Variants in MARCHF1 observed in about 807,000 individuals in gnomAD.
MARCHF1 encodes the protein E3 ubiquitin-protein ligase MARCHF1.
Under a neutral mutation model 54.2 loss-of-function variants are expected in MARCHF1, and 40 were observed. The observed-to-expected ratio is 0.74, with a 90% CI of 0.57 to 0.96. The LOEUF (loss-of-function observed/expected upper bound fraction) is 0.96, where lower values mean the gene tolerates loss of function less well. Among genes scored for constraint, MARCHF1 ranks in the 40% least tolerant of loss-of-function variants. The pLI is 0.00. For synonymous variants in MARCHF1, 236 were observed against 236.3 expected (o/e 1.00, Z 0.01); for missense variants, 586 against 656.5 (o/e 0.89, Z 1.17).
chr4:163,727,189 T>C (rs1160770285), intron 4 of MARCHF1, among the ~76,000 whole-genome samples: 2 of 152,232 alleles, frequency 1.3e-5, no homozygotes, highest in Non-Finnish European at 2.9e-5. Context: ...GTAAAAATAG[T>C]GGCTGTAATT....
intron 1 of MARCHF1, among the ~76,000 whole-genome samples, chr4:164,252,848 T>C (rs1304226314): frequency 6.6e-6 from 1 of 152,142 alleles, no homozygotes; most frequent in African/African-American, 2.4e-5. Context: ...TGATGAGGAA[T>C]ATAGATTCGG....
At chr4:164,307,070 T>C (rs553099785) in intron 1 of MARCHF1, among the ~76,000 whole-genome samples, 166 of 152,280 alleles carry the variant, frequency 1.1e-3, no homozygotes, top group Non-Finnish European at 2.0e-3. Flanking sequence ...AATATAACTC[T>C]TGCTTGAACA....
chr4:164,338,532 C>T (rs1267065222), intron 1 of MARCHF1, among the ~76,000 whole-genome samples: 1 of 152,086 alleles, frequency 6.6e-6, no homozygotes. Flanking sequence ...CAAGATACTA[C>T]TTCAGCTTTA....
At position 164,007,469 on chromosome 4, in the gene MARCHF1, T is replaced by G. The variant is rs1753319565; in HGVS notation, c.-247-18760A>C. On this transcript the variant is annotated intron_variant, in intron 2 of 9. Coordinates refer to ENST00000514618, the MANE Select transcript of MARCHF1 (RefSeq NM_001394959.1). ...ATATCCTACTACTGTAATTGTGGTGTGCAATCCACTCATAATTCTAGGATG... is the reference window on the plus strand; with the variant it reads ...ATATCCTACTACTGTAATTGTGGTGGGCAATCCACTCATAATTCTAGGATG... Among the ~76,000 whole-genome samples the G allele has an allele frequency of 2.6e-5, 4 of 151,784 alleles. No individual in the cohort carries two copies. In the South Asian group the frequency reaches 8.3e-4, roughly 31 times the overall value.
chr4:164,139,561 G>A (rs1036342967), intron 1 of MARCHF1, among the ~76,000 whole-genome samples: 1 of 152,032 alleles, frequency 6.6e-6, no homozygotes, highest in Non-Finnish European at 1.5e-5. Flanking sequence ...TCACAAAGGG[G>A]CTGGGAAAGT....
chr4:163,989,664 C>G (rs975843519), intron 2 of MARCHF1, among the ~76,000 whole-genome samples: 4 of 152,172 alleles, frequency 2.6e-5, no homozygotes. Flanking sequence ...ATCCTACTCT[C>G]TCAGTGAAGT....
At chr4:164,348,559 T>C (rs1205279953) in intron 1 of MARCHF1, among the ~76,000 whole-genome samples, 1 of 152,174 alleles carries the variant, frequency 6.6e-6, no homozygotes, top group Non-Finnish European at 1.5e-5. Context: ...AACATACTGA[T>C]ATTCTTTCTA....
intron 3 of MARCHF1, among the ~76,000 whole-genome samples, chr4:163,964,769 A>G (rs750145006): frequency 2.0e-5 from 3 of 151,836 alleles, no homozygotes; most frequent in Non-Finnish European, 4.4e-5. Context: ...ATCTACTAGG[A>G]TGTCCTCCAA....
At chr4:163,564,418 G>A (rs1467253702) in intron 8 of MARCHF1, among the ~76,000 whole-genome samples, 2 of 152,162 alleles carry the variant, frequency 1.3e-5, no homozygotes, top group Non-Finnish European at 2.9e-5. Flanking sequence ...GCTGAGGTAT[G>A]TTTTATCTAA....
intron 5 of MARCHF1, among the ~76,000 whole-genome samples, chr4:163,682,119 G>A (rs1251540858): frequency 6.6e-6 from 1 of 152,216 alleles, no homozygotes; most frequent in East Asian, 1.9e-4. Flanking sequence ...TATAAAAGTT[G>A]TTCTTACTAT....
intron 2 of MARCHF1, among the ~76,000 whole-genome samples, chr4:164,019,289 A>G (rs1323893186): frequency 6.6e-6 from 1 of 152,098 alleles, no homozygotes; most frequent in East Asian, 1.9e-4. Flanking sequence ...TCCCTGCAGG[A>G]TTTCCACTAC....
intron 4 of MARCHF1, among the ~76,000 whole-genome samples, chr4:163,708,161 T>C (rs1343288882): frequency 4.6e-5 from 7 of 151,574 alleles, no homozygotes; most frequent in African/African-American, 1.7e-4. Flanking sequence ...AACAGGCTCA[T>C]TGTACTCTTT....
intron 8 of MARCHF1, among the ~76,000 whole-genome samples, chr4:163,555,525 G>T (rs557376727): frequency 8.6e-5 from 13 of 151,868 alleles, no homozygotes; most frequent in Admixed American, 4.6e-4. Flanking sequence ...TAAAAATATT[G>T]AATCAATACT....
rs1553980469 is a variant in MARCHF1, at chr4:164,091,410, T to TTATATATATATATATA, written c.-248+20162_-248+20177dup. On this transcript the variant is annotated intron_variant, in intron 2 of 9. Coordinates refer to ENST00000514618, the MANE Select transcript of MARCHF1 (RefSeq NM_001394959.1). ...AACAGGGGATAATTTTCACCAAGTT[T>TTATATATATATATATA]TATATATATATATATATATGTATAA... Among the ~76,000 whole-genome samples the TTATATATATATATATA allele has an allele frequency of 1.7e-3, 226 of 136,906 alleles. 3 individuals are homozygous for TTATATATATATATATA. Among genetic ancestry groups the TTATATATATATATATA allele is most frequent in the African/African-American group, 5.5e-3 (203 of 36,748 alleles). 89.8% of individuals were successfully genotyped at this position (136,906 alleles called of 152,430 possible).
intron 4 of MARCHF1, among the ~76,000 whole-genome samples, chr4:163,781,196 C>G (rs1466447262): frequency 2.0e-5 from 3 of 152,086 alleles, no homozygotes; most frequent in African/African-American, 4.8e-5. Flanking sequence ...ACTGAAAATA[C>G]AAAAATTAGC....
At chr4:164,247,902 G>T (rs1435174866) in intron 1 of MARCHF1, among the ~76,000 whole-genome samples, 1 of 150,690 alleles carries the variant, frequency 6.6e-6, no homozygotes, top group African/African-American at 2.4e-5. Flanking sequence ...TTTTTGACAA[G>T]GAATTGGTCA....
intron 1 of MARCHF1, among the ~76,000 whole-genome samples, chr4:164,365,811 T>C (rs1730861884): frequency 6.6e-6 from 1 of 152,046 alleles, no homozygotes; most frequent in Admixed American, 6.6e-5. Context: ...AGGGAAAACC[T>C]TTCTATATAA....
intron 4 of MARCHF1, among the ~76,000 whole-genome samples, chr4:163,844,355 T>C (rs925294648): frequency 6.6e-6 from 1 of 152,214 alleles, no homozygotes; most frequent in Non-Finnish European, 1.5e-5. Flanking sequence ...TGTAAATGTT[T>C]TCTCCCATCC....
intron 1 of MARCHF1, among the ~76,000 whole-genome samples, chr4:164,260,578 A>C (rs1405837525): frequency 2.0e-5 from 3 of 152,084 alleles, no homozygotes; most frequent in Non-Finnish European, 4.4e-5. Context: ...AACATGACAC[A>C]CAGCTGAAGT....
Sources: allele counts gnomAD v4.1 joint callset (sites outside exome capture counted in the v4.1 genomes callset), GRCh38; gene constraint gnomAD v4.1.1; transcripts MANE v1.5; gene names NCBI Gene and HGNC (gene_info 2026-07-23, HGNC 2026-07-21).